Variants in YWHAE observed in about 807,000 individuals in gnomAD.
YWHAE encodes tyrosine 3-monooxygenase/tryptophan 5-monooxygenase activation protein epsilon.
YWHAE carries 4 observed loss-of-function variants against 30.1 expected under a neutral mutation model. The observed-to-expected ratio is 0.13, with a 90% CI of 0.07 to 0.30. The LOEUF (loss-of-function observed/expected upper bound fraction) is 0.30, where lower values mean the gene tolerates loss of function less well. Among genes scored for constraint, YWHAE ranks in the 10% least tolerant of loss-of-function variants. The probability of loss-of-function intolerance (pLI) is 1.00; values close to 1 mark genes in which losing one functional copy is unlikely to be tolerated. For missense variants in YWHAE, 121 were observed against 315.9 expected, an observed-to-expected ratio of 0.38 and a Z score of 4.68; for synonymous variants, 118 against 111.8, an observed-to-expected ratio of 1.06 and a Z score of -0.35.
intron 1 of YWHAE, among the ~76,000 whole-genome samples, chr17:1,381,910 CAA>C (rs397754278): frequency 1.3e-3 from 57 of 43,930 alleles, no homozygotes; most frequent in African/African-American, 2.3e-3. Context: ...GACACTATGT[CAA>C]AAAAAAAAAA....
rs931075524 is a variant in YWHAE at position 1,358,406 on chromosome 17, A to C, written c.578+2686T>G. The stretch of plus-strand genomic sequence containing the variant: ...AGGCGCCCGCCACCACGCCCGGCTG[A>C]TTTTTTGTATTTTTAGTAGAGACGG... On this transcript the variant is annotated intron_variant, in intron 4 of 5. Transcript: ENST00000264335. Among the ~76,000 whole-genome samples the C allele has an allele frequency of 8.6e-5, 13 of 151,942 alleles. No homozygotes were observed. The South Asian group carries it at 2.7e-3, about 32-fold the overall frequency.
In YWHAE at chr17:1,396,953, G is replaced by A. The variant is rs577071619; in HGVS notation, c.64+3094C>T. 2.4e-3 allele frequency among the ~76,000 whole-genome samples: 324 copies of A among 137,658 alleles called. 4 individuals carry two copies. The highest frequency in any genetic ancestry group is 8.6e-3 in the African/African-American group (309 of 36,054). 90.3% of individuals were successfully genotyped at this position (137,658 alleles called of 152,430 possible). A position where few individuals can be genotyped will look rare whatever the true frequency, so the allele number is the denominator to read the frequency against. ...TTTTTTTTTTGGAGACAAGAGTCTC[G>A]CTCTGTTGCCCAGGCTGTAGTGTAA... On this transcript the variant is annotated intron_variant, in intron 1 of 5. Transcript: ENST00000264335.
Position 1,400,191 on chromosome 17 carries a change from T to G in YWHAE, c.-81A>C. 1.3e-6 allele frequency: 2 copies of G among 1,559,710 alleles called. No homozygotes were observed. Among genetic ancestry groups the G allele is most frequent in the South Asian group, 1.1e-5 (1 of 89,938 alleles). ...GACTCTCTCAGCCTCTCGCTCCGCG[T>G]CCGGGCAGCAAAAATGGCGGCGCCT... On this transcript the variant is annotated 5_prime_UTR_variant, in exon 1 of 6. Transcript: ENST00000264335.
At chr17:1,389,381 C>T (rs990552568) in intron 1 of YWHAE, among the ~76,000 whole-genome samples, 1 of 152,150 alleles carries the variant, frequency 6.6e-6, no homozygotes, top group Non-Finnish European at 1.5e-5. Context: ...TATTTAGTAG[C>T]TTTTTATTAA....
At chr17:1,392,836 G>C (rs182277388) in intron 1 of YWHAE, among the ~76,000 whole-genome samples, 44 of 150,354 alleles carry the variant, frequency 2.9e-4, no homozygotes, top group African/African-American at 8.8e-4. Context: ...AATGACAAGA[G>C]GGAAAATCCA....
At chr17:1,376,014 G>A (rs2073116475) in intron 1 of YWHAE, among the ~76,000 whole-genome samples, 2 of 152,214 alleles carry the variant, frequency 1.3e-5, no homozygotes, top group African/African-American at 4.8e-5. Flanking sequence ...GACCTCTGAA[G>A]TGGGTACCAG....
intron 1 of YWHAE, among the ~76,000 whole-genome samples, chr17:1,373,610 G>A (rs1389310503): frequency 6.6e-6 from 1 of 151,992 alleles, no homozygotes; most frequent in Admixed American, 6.6e-5. Flanking sequence ...GGAGCTTGTA[G>A]TGAGTAGAGA....
chr17:1,393,228 G>A (rs1373256969), intron 1 of YWHAE, among the ~76,000 whole-genome samples: 1 of 151,426 alleles, frequency 6.6e-6, no homozygotes, highest in South Asian at 2.1e-4. Flanking sequence ...GGCTGAGGTG[G>A]GGGGATCACC....
At position 1,396,612 on chromosome 17, in the gene YWHAE, A is replaced by C. The variant is rs182052901; in HGVS notation, c.64+3435T>G. Among the ~76,000 whole-genome samples the C allele has an allele frequency of 1.2e-3, 184 of 152,272 alleles. 1 individual carries two copies. The highest frequency in any genetic ancestry group is 4.1e-3 in the African/African-American group (171 of 41,562). ...AGTTTATGTTACCCCTCTGCTCCCC[A>C]AAAACGGGTAAACTTTTCCCCTCTA... On this transcript the variant is annotated intron_variant, in intron 1 of 5. Transcript: ENST00000264335.
At chr17:1,361,638 T>A (rs1462918153) in intron 3 of YWHAE, 2 of 432,342 alleles carry the variant, frequency 4.6e-6, no homozygotes, top group African/African-American at 4.1e-5. Flanking sequence ...ATAAAATGTC[T>A]ATATATAACA....
chr17:1,387,533 G>A (rs568127936), intron 1 of YWHAE, among the ~76,000 whole-genome samples: 2 of 152,006 alleles, frequency 1.3e-5, no homozygotes, highest in Non-Finnish European at 2.9e-5. Flanking sequence ...GTCCAATTCG[G>A]TTTAGTAGAA....
intron 5 of YWHAE, among the ~76,000 whole-genome samples, chr17:1,349,074 G>A (rs1300516013): frequency 6.6e-6 from 1 of 150,718 alleles, no homozygotes; most frequent in Non-Finnish European, 1.5e-5. Flanking sequence ...CAGGTGCGGT[G>A]ACTCGGGCCT....
At chr17:1,365,166 C>G (rs887756126) in intron 1 of YWHAE, 108 bp from the exon 2 acceptor site, 5 of 1,209,760 alleles carry the variant, frequency 4.1e-6, no homozygotes, top group Non-Finnish European at 4.6e-6. Flanking sequence ...AACATTTTAA[C>G]AAAAATAATT....
At chr17:1,355,747 G>A (rs916714346) in intron 4 of YWHAE, among the ~76,000 whole-genome samples, 3 of 152,126 alleles carry the variant, frequency 2.0e-5, no homozygotes, top group African/African-American at 7.2e-5. Flanking sequence ...TATTTTACAA[G>A]GAGGAGGCTG....
chr17:1,346,933 G>A (rs2150834598), intron 5 of YWHAE, among the ~76,000 whole-genome samples: 1 of 150,228 alleles, frequency 6.7e-6, no homozygotes, highest in East Asian at 2.0e-4. Flanking sequence ...GGAGGTTGCA[G>A]CGAGCCAAGA....
At chr17:1,355,823 G>C (rs747548579) in intron 4 of YWHAE, among the ~76,000 whole-genome samples, 5 of 152,118 alleles carry the variant, frequency 3.3e-5, no homozygotes, top group Non-Finnish European at 7.3e-5. Context: ...CAGATCACTT[G>C]AGGCCAGGAG....
At chr17:1,370,716 C>G (rs1305961980) in intron 1 of YWHAE, among the ~76,000 whole-genome samples, 1 of 152,068 alleles carries the variant, frequency 6.6e-6, no homozygotes, top group Non-Finnish European at 1.5e-5. Flanking sequence ...ACATTGCAGG[C>G]TGGGAGCGGT....
intron 1 of YWHAE, among the ~76,000 whole-genome samples, chr17:1,377,193 C>A (rs984455482): frequency 6.6e-6 from 1 of 152,060 alleles, no homozygotes; most frequent in Non-Finnish European, 1.5e-5. Flanking sequence ...GGATTACAGG[C>A]AGGGGTTACC....
chr17:1,365,625 A>T (rs1386194047), intron 1 of YWHAE, among the ~76,000 whole-genome samples: 1 of 152,180 alleles, frequency 6.6e-6, no homozygotes, highest in Non-Finnish European at 1.5e-5. Flanking sequence ...CGAGCAAAGA[A>T]AGGGGCCCAG....
Sources: gnomAD v4.1 joint callset for allele counts (sites outside exome capture counted in the v4.1 genomes callset) on GRCh38, gnomAD v4.1.1 for gene constraint, MANE v1.5 for transcripts, NCBI Gene and HGNC (gene_info 2026-07-23, HGNC 2026-07-21) for gene names.